Variants in DSCAML1 observed in about 807,000 individuals in gnomAD.
DSCAML1 encodes the protein DS cell adhesion molecule like 1, also known as cell adhesion molecule DSCAML1.
Under a neutral mutation model 200.5 loss-of-function variants are expected in DSCAML1, and 38 were observed. The observed-to-expected ratio is 0.19, with a 90% CI of 0.15 to 0.25. DSCAML1 has a LOEUF of 0.25. DSCAML1 is among the 10% of genes least tolerant of loss of function. The pLI, the probability that DSCAML1 is intolerant of heterozygous loss-of-function variation, is 1.00. For missense variants in DSCAML1, 2,223 were observed against 2,858.8 expected, an observed-to-expected ratio of 0.78 and a Z score of 5.07; for synonymous variants, 1,215 against 1,165.0, an observed-to-expected ratio of 1.04 and a Z score of -0.87.
rs114772187 is a variant in DSCAML1, at chr11:117,595,003, A to G, written c.512-62481T>C. Among the ~76,000 whole-genome samples the G allele has an allele frequency of 8.2e-3, 1,242 of 150,754 alleles. 11 individuals carry two copies. Among genetic ancestry groups the G allele is most frequent in the African/African-American group, 0.028 (1,137 of 40,824 alleles). ...ACTAACTGTTCTGTTTTGCATTTCT[A>G]TGGTGGGTTGGTGGGTTTCCTCCCT... On this transcript the variant is annotated intron_variant, in intron 3 of 32. Transcript: ENST00000651296.
intron 3 of DSCAML1, among the ~76,000 whole-genome samples, chr11:117,616,115 A>G (rs2051806330): frequency 6.6e-6 from 1 of 152,196 alleles, no homozygotes; most frequent in Non-Finnish European, 1.5e-5. Flanking sequence ...TGGGGTCATC[A>G]TCAGTCCGAT....
At chr11:117,751,003 A>G (rs530029957) in intron 3 of DSCAML1, among the ~76,000 whole-genome samples, 12 of 152,118 alleles carry the variant, frequency 7.9e-5, no homozygotes, top group African/African-American at 2.9e-4. Context: ...CTCCTTACCC[A>G]GGCCTCGTGC....
intron 20 of DSCAML1, among the ~76,000 whole-genome samples, chr11:117,450,227 C>G (rs2048259172): frequency 1.3e-5 from 2 of 152,220 alleles, no homozygotes; most frequent in African/African-American, 4.8e-5. Context: ...TGGGGACCTG[C>G]TGGGAGCTTC....
chr11:117,694,431 G>A (rs915125147), intron 3 of DSCAML1, among the ~76,000 whole-genome samples: 18 of 151,730 alleles, frequency 1.2e-4, no homozygotes, highest in African/African-American at 4.1e-4. Flanking sequence ...AAAGATATGT[G>A]TCCATATATA....
At chr11:117,465,355 A>G (rs2048559294) in intron 16 of DSCAML1, among the ~76,000 whole-genome samples, 173 bp from the exon 17 acceptor site, 1 of 151,622 alleles carries the variant, frequency 6.6e-6, no homozygotes. Context: ...GTGTGACCCG[A>G]CCTCCCATTA....
chr11:117,520,934 A>G (rs973562084), intron 6 of DSCAML1, among the ~76,000 whole-genome samples, 196 bp downstream of exon 6: 2 of 152,202 alleles, frequency 1.3e-5, no homozygotes, highest in African/African-American at 4.8e-5. Context: ...TGCCTCAAAA[A>G]AGGAAAAAAG....
At chr11:117,453,839 G>A (rs2048328080) in intron 19 of DSCAML1, among the ~76,000 whole-genome samples, 1 of 151,354 alleles carries the variant, frequency 6.6e-6, no homozygotes, top group Admixed American at 6.6e-5. Flanking sequence ...CGCCTCCTGG[G>A]TTTAAGCAAT....
At chr11:117,761,249 C>T (rs1490469873) in intron 3 of DSCAML1, among the ~76,000 whole-genome samples, 1 of 152,062 alleles carries the variant, frequency 6.6e-6, no homozygotes, top group Non-Finnish European at 1.5e-5. Context: ...CTGGACTCAC[C>T]TTCCAGATGA....
At chr11:117,584,891 G>A (rs2051112847) in intron 3 of DSCAML1, among the ~76,000 whole-genome samples, 1 of 152,148 alleles carries the variant, frequency 6.6e-6, no homozygotes, top group South Asian at 2.1e-4. Context: ...GAGTTGTTGG[G>A]GAGATCAATA....
intron 3 of DSCAML1, among the ~76,000 whole-genome samples, chr11:117,690,719 C>T (rs1462893078): frequency 6.6e-6 from 1 of 152,212 alleles, no homozygotes; most frequent in Non-Finnish European, 1.5e-5. Context: ...GTGCGTAGGC[C>T]AGGCAGGTCA....
intron 3 of DSCAML1, among the ~76,000 whole-genome samples, chr11:117,659,688 AC>A: frequency 6.6e-6 from 1 of 151,268 alleles, no homozygotes; most frequent in Admixed American, 6.6e-5. Context: ...AAGCTCCCTG[AC>A]TTGCCCGGCA....
At chr11:117,705,034 G>A (rs915368271) in intron 3 of DSCAML1, among the ~76,000 whole-genome samples, 6 of 152,300 alleles carry the variant, frequency 3.9e-5, no homozygotes, top group Admixed American at 2.0e-4. Flanking sequence ...GCGTACCCAC[G>A]CCGAGGGGGG....
rs1192038019 is a variant in DSCAML1, at chr11:117,780,274, A to AAGAG, written c.364+218_364+219insCTCT. ...AAAGAAAGAAAGAAAGAAAGAAAGA[A>AAGAG]AGAAAGAAAGAAAGAAAGAAAGAAA... is the stretch of plus-strand genomic sequence containing the variant. On this transcript the variant is annotated intron_variant, in intron 2 of 32. Transcript: ENST00000651296. This position sits in a 1 kb window ranked among gnomAD's most constrained non-coding sequence, Gnocchi z 4.8. Among the ~76,000 whole-genome samples the AAGAG allele has an allele frequency of 1.0e-5, 1 of 95,858 alleles. No homozygotes were observed. Among genetic ancestry groups the AAGAG allele is most frequent in the South Asian group, 4.1e-4 (1 of 2,460 alleles). The allele number at this position is 95,858 out of a possible 152,430, so 62.9% of individuals were successfully genotyped here.
chr11:117,585,995 AG>A (rs2137471426), intron 3 of DSCAML1, among the ~76,000 whole-genome samples: 1 of 152,284 alleles, frequency 6.6e-6, no homozygotes, highest in East Asian at 1.9e-4. Context: ...TGCCTGTTGC[AG>A]GGGGCCCTCC....
chr11:117,691,776 C>A (rs1357613804), intron 3 of DSCAML1, among the ~76,000 whole-genome samples: 1 of 152,070 alleles, frequency 6.6e-6, no homozygotes, highest in Non-Finnish European at 1.5e-5. Flanking sequence ...TTTTTCTCCT[C>A]TCTTCTGCTC....
chr11:117,762,069 T>A (rs1272459909), intron 3 of DSCAML1, among the ~76,000 whole-genome samples: 2 of 152,032 alleles, frequency 1.3e-5, no homozygotes, highest in African/African-American at 2.4e-5. Context: ...CAGGATCTCA[T>A]CTCCCAGTCG....
At chr11:117,532,216 C>A (rs887595716) in intron 4 of DSCAML1, among the ~76,000 whole-genome samples, 160 bp downstream of exon 4, 2 of 151,950 alleles carry the variant, frequency 1.3e-5, no homozygotes, top group Admixed American at 1.3e-4. Flanking sequence ...AAGAGGTCTT[C>A]CTTGGTGGTT....
At chr11:117,629,828 C>T (rs1043896615) in intron 3 of DSCAML1, among the ~76,000 whole-genome samples, 6 of 152,054 alleles carry the variant, frequency 3.9e-5, no homozygotes, top group African/African-American at 1.2e-4. Context: ...AAGACCCCAT[C>T]GCTACAAAAA....
chr11:117,443,998 G>A lies in DSCAML1; in HGVS notation c.3750C>T (p.Tyr1250=). The A allele has an allele frequency of 1.9e-6, 3 of 1,613,928 alleles. No homozygotes were observed. Among genetic ancestry groups the A allele is most frequent in the Non-Finnish European group, 2.5e-6 (3 of 1,179,958 alleles). ...GACCGCGGTTTAGGTGGGCGATCCG[G>A]TAGAAGAGCTGCTCTGGACTCGTCT... The part of the protein sequence containing the change: ...EYETSPEQLF[Y]RIAHLNRGQQ... Residue 1250 remains tyrosine (Y), a synonymous_variant, in exon 21 of 33, where the codon TAC becomes TAT. Transcript: ENST00000651296.
Sources: allele counts gnomAD v4.1 joint callset (sites outside exome capture counted in the v4.1 genomes callset), GRCh38; gene constraint gnomAD v4.1.1; non-coding constraint Gnocchi (gnomAD v3.1); transcripts MANE v1.5; gene names NCBI Gene and HGNC (gene_info 2026-07-23, HGNC 2026-07-21).